The following SNX2 variants were observed in gnomAD, a reference collection of about 807,000 sequenced individuals.
SNX2 encodes sorting nexin-2.
SNX2 carries 25 observed loss-of-function variants against 69.9 expected under a neutral mutation model. The ratio of observed to expected loss-of-function variants is 0.36; its 90% CI spans 0.26 to 0.50. The LOEUF (loss-of-function observed/expected upper bound fraction) is 0.50. Among genes scored for constraint, SNX2 ranks in the 20% least tolerant of loss-of-function variants. SNX2 has a pLI of 0.97. For synonymous variants in SNX2, 229 were observed against 200.4 expected (o/e 1.14, Z -1.20); for missense variants, 551 against 613.3 (o/e 0.90, Z 1.07).
intron 1 of SNX2, among the ~76,000 whole-genome samples, chr5:122,794,901 TA>T (rs748582538): frequency 3.3e-5 from 5 of 152,086 alleles, no homozygotes; most frequent in Non-Finnish European, 5.9e-5. Context: ...CGTGCATTTT[TA>T]GTCCCAGCTA....
At chr5:122,821,958 C>A (rs1396002942) in intron 11 of SNX2, among the ~76,000 whole-genome samples, 1 of 152,144 alleles carries the variant, frequency 6.6e-6, no homozygotes, top group East Asian at 1.9e-4. Context: ...AAAGATTTTA[C>A]TTTGTACCCT....
chr5:122,790,712 AG>A (rs1355905294), intron 1 of SNX2, among the ~76,000 whole-genome samples: 1 of 152,222 alleles, frequency 6.6e-6, no homozygotes, highest in Non-Finnish European at 1.5e-5. Flanking sequence ...AAAGGGTAGA[AG>A]ATAGGGGAAT....
rs1554063175 is a variant in SNX2, at chr5:122,806,142, G to GCACGCGCACACACACACACACACA, written c.644-2132_644-2131insGCGCACACACACACACACACACAC. Reference sequence around the variant, plus strand: ...TGTGTATATATATACACACGCGCGCGCACACACACACACACACACACACAC... The same window carrying GCACGCGCACACACACACACACACA: ...TGTGTATATATATACACACGCGCGCGCACGCGCACACACACACACACACACACACACACACACACACACACACAC... On this transcript the variant is annotated intron_variant, in intron 6 of 14. Transcript: ENST00000379516. 2.8e-3 allele frequency among the ~76,000 whole-genome samples: 366 copies of GCACGCGCACACACACACACACACA among 130,628 alleles called. 3 individuals are homozygous for GCACGCGCACACACACACACACACA. Among genetic ancestry groups the GCACGCGCACACACACACACACACA allele is most frequent in the African/African-American group, 0.01 (355 of 34,516 alleles). The allele number at this position is 130,628 out of a possible 152,430, so 85.7% of individuals were successfully genotyped here. A position where few individuals can be genotyped will look rare whatever the true frequency, so the allele number is the denominator to read the frequency against.
Position 122,816,962 on chromosome 5 carries a change from G to C in SNX2, c.846G>C (p.Leu282Phe). 6.2e-7 allele frequency: 1 copy of C among 1,613,830 alleles called. No homozygotes were observed. Among genetic ancestry groups the C allele is most frequent in the Non-Finnish European group, 8.5e-7 (1 of 1,179,812 alleles). ...NTQALSGAGI[L>F]RMVNKAADAV... The stretch of plus-strand genomic sequence containing the variant: ...AGGCTCTGAGTGGAGCAGGAATATT[G>C]AGGATGGTGAACAAGGCTGCCGACG... The change falls in exon 9 of 15, where the codon TTG (leucine) becomes TTC (phenylalanine). Residue 282 changes from leucine to phenylalanine, a missense_variant. By Grantham distance (22) the Leu-to-Phe change is conservative. Coordinates refer to ENST00000379516, the MANE Select transcript of SNX2 (RefSeq NM_003100.4).
chr5:122,810,211 GTTAAGAGTCA>G (rs1561464371), intron 7 of SNX2, among the ~76,000 whole-genome samples: 2 of 150,862 alleles, frequency 1.3e-5, no homozygotes, highest in East Asian at 3.9e-4. Flanking sequence ...CAGCATGCTC[GTTAAGAGTCA>G]TCACCACTCC....
chr5:122,803,700 C>T (rs1753565538), intron 6 of SNX2, 87 bp downstream of exon 6: 2 of 980,328 alleles, frequency 2.0e-6, no homozygotes, highest in African/African-American at 1.6e-5. Flanking sequence ...CTTAGTCATT[C>T]ACTGTCAACA....
At chr5:122,795,121 C>G (rs574071416) in intron 1 of SNX2, 145 bp from the exon 2 acceptor site, 1 of 579,692 alleles carries the variant, frequency 1.7e-6, no homozygotes, top group East Asian at 2.8e-5. Context: ...TTCATTCTTA[C>G]TCTCAGAGGA....
At chr5:122,794,311 A>AAAAC (rs896461996) in intron 1 of SNX2, among the ~76,000 whole-genome samples, 2 of 145,670 alleles carry the variant, frequency 1.4e-5, no homozygotes, top group African/African-American at 5.0e-5. Context: ...ACTGTGTCTC[A>AAAAC]AAACAAACAA....
chr5:122,809,179 T>C (rs1339855923), intron 7 of SNX2, among the ~76,000 whole-genome samples: 1 of 152,204 alleles, frequency 6.6e-6, no homozygotes, highest in Admixed American at 6.5e-5. Context: ...TTAGGTATTA[T>C]AAGTCTAGAG....
chr5:122,822,243 A>G (rs1352654234), intron 11 of SNX2, among the ~76,000 whole-genome samples: 1 of 152,134 alleles, frequency 6.6e-6, no homozygotes, highest in Non-Finnish European at 1.5e-5. Flanking sequence ...GGCGTGTGCC[A>G]CCACAGCCAG....
In SNX2 at chr5:122,827,386, C is replaced by T. The variant is rs757196187; in HGVS notation, c.1364C>T (p.Ala455Val). 5.0e-6 allele frequency: 8 copies of T among 1,612,320 alleles called. No individual in the cohort carries two copies. Among genetic ancestry groups the T allele is most frequent in the South Asian group, 1.1e-5 (1 of 90,992 alleles). Reference protein sequence around the residue: ...QAKNEIREWEAKVQQGERDFE... With the variant: ...QAKNEIREWEVKVQQGERDFE... ...TTTCTTTGTTTTTATTAGTGGGAGG[C>T]GAAAGTGCAACAAGGGGAAAGAGAT... The change falls in exon 13 of 15, where the codon GCG (alanine) becomes GTG (valine). Residue 455 changes from alanine to valine, a missense_variant. Physicochemically the swap from Ala to Val is moderately conservative, Grantham distance 64. This residue lies in a region of SNX2 where 360 missense variants were observed against 450.4 expected (regional missense o/e 0.80). Coordinates refer to ENST00000379516, the MANE Select transcript of SNX2 (RefSeq NM_003100.4).
rs1430567961 is a variant in SNX2, at chr5:122,795,159, T to C, written c.109-107T>C. ...ATATATAAATAGCTGTTCTTGTTCTTTCCTCCATTCTTTTCAAGAGAATGT... is the reference window on the plus strand; with the variant it reads ...ATATATAAATAGCTGTTCTTGTTCTCTCCTCCATTCTTTTCAAGAGAATGT... On this transcript the variant is annotated intron_variant, in intron 1 of 14. Coordinates refer to ENST00000379516, the MANE Select transcript of SNX2 (RefSeq NM_003100.4). 1.6e-5 allele frequency: 11 copies of C among 701,210 alleles called. No homozygotes were observed. In the Admixed American group the frequency reaches 2.5e-4, roughly 16 times the overall value. 43.4% of individuals were successfully genotyped at this position (701,210 alleles called of 1,614,324 possible). A position where few individuals can be genotyped will look rare whatever the true frequency, so the allele number is the denominator to read the frequency against.
intron 1 of SNX2, among the ~76,000 whole-genome samples, chr5:122,785,317 TA>T (rs1271041294): frequency 6.6e-5 from 10 of 151,942 alleles, no homozygotes; most frequent in Admixed American, 2.6e-4. Flanking sequence ...TTTTTATTTT[TA>T]TTTTTTTTGT....
At chr5:122,780,467 G>A (rs1331452955) in intron 1 of SNX2, among the ~76,000 whole-genome samples, 1 of 152,004 alleles carries the variant, frequency 6.6e-6, no homozygotes, top group East Asian at 1.9e-4. Context: ...AGTAGAATAA[G>A]ACAGGAGACA....
rs563502171 is a variant in SNX2 at position 122,779,099 on chromosome 5, T to TA, written c.108+3896dup. ...GCATGGAGTAGTAGATAGTACGTTT[T>TA]AAAAAAAAGGTCAGGAATTTATATT... On this transcript the variant is annotated intron_variant, in intron 1 of 14. Transcript: ENST00000379516. Among the ~76,000 whole-genome samples, 892 of 152,074 alleles carry TA rather than the reference T, an allele frequency of 5.9e-3. 9 individuals are homozygous for TA. Among genetic ancestry groups the TA allele is most frequent in the African/African-American group, 0.011 (474 of 41,486 alleles).
intron 9 of SNX2, 90 bp downstream of exon 9, chr5:122,817,118 T>C (rs1405982753): frequency 8.8e-7 from 1 of 1,133,702 alleles, no homozygotes; most frequent in East Asian, 2.4e-5. Flanking sequence ...AAATAGGATA[T>C]TAATTTGCTT....
intron 5 of SNX2, among the ~76,000 whole-genome samples, 176 bp downstream of exon 5, chr5:122,802,300 G>C (rs77853637): frequency 0.014 from 2,186 of 152,310 alleles, 17 homozygotes; most frequent in Non-Finnish European, 0.019. Context: ...TGTTCAGTGA[G>C]AGTATGCAGG....
chr5:122,799,664 T>C, intron 2 of SNX2, 28 bp from the exon 3 acceptor site: 1 of 1,585,430 alleles, frequency 6.3e-7, no homozygotes, highest in Non-Finnish European at 8.6e-7. Flanking sequence ...GCCAGTGTTC[T>C]TAACTAACTT....
chr5:122,824,768 T>G (rs1469871472), intron 11 of SNX2, among the ~76,000 whole-genome samples: 1 of 152,220 alleles, frequency 6.6e-6, no homozygotes, highest in African/African-American at 2.4e-5. Context: ...AACCTATCCT[T>G]TGCACTTTGG....
Sources: allele counts gnomAD v4.1 joint callset (sites outside exome capture counted in the v4.1 genomes callset), GRCh38; gene constraint gnomAD v4.1.1; regional missense constraint gnomAD v4.1.1; transcripts MANE v1.5; gene names NCBI Gene and HGNC (gene_info 2026-07-23, HGNC 2026-07-21).